PCDH7: variants seen among roughly 807,000 people sequenced by gnomAD.
The protein encoded by PCDH7 is protocadherin-7.
PCDH7 carries 17 observed loss-of-function variants against 58.9 expected under a neutral mutation model. The ratio of observed to expected loss-of-function variants is 0.29; its 90% CI spans 0.20 to 0.43. The LOEUF is 0.43. Among genes scored for constraint, PCDH7 ranks in the 20% least tolerant of loss-of-function variants. The pLI is 1.00. For synonymous variants in PCDH7, 664 were observed against 616.4 expected (o/e 1.08, Z -1.14); for missense variants, 1,274 against 1,441.0 (o/e 0.88, Z 1.88).
chr4:30,823,393 T>C (rs1397079721), intron 1 of PCDH7, among the ~76,000 whole-genome samples: 1 of 152,162 alleles, frequency 6.6e-6, no homozygotes, highest in Non-Finnish European at 1.5e-5. Context: ...CCGGTACTTT[T>C]TGCAGTTCCT....
chr4:30,925,815 T>C (rs975574953), intron 2 of PCDH7: 1 of 152,210 alleles, frequency 6.6e-6, no homozygotes, highest in Non-Finnish European at 1.5e-5. Context: ...ATGTGTGCTA[T>C]AGTGGCTTCT....
chr4:30,833,272 G>T (rs1045810454), intron 1 of PCDH7, among the ~76,000 whole-genome samples: 1 of 152,094 alleles, frequency 6.6e-6, no homozygotes, highest in African/African-American at 2.4e-5. Context: ...CTAAAATCCA[G>T]ATATCAGCAG....
chr4:30,893,229 C>A (rs776973868), intron 1 of PCDH7, among the ~76,000 whole-genome samples: 4 of 152,036 alleles, frequency 2.6e-5, no homozygotes, highest in Non-Finnish European at 5.9e-5. Context: ...CAATATATTT[C>A]TTTAACCGTT....
chr4:30,996,185 T>A (rs2109130611), intron 3 of PCDH7, among the ~76,000 whole-genome samples: 1 of 152,332 alleles, frequency 6.6e-6, no homozygotes, highest in Non-Finnish European at 1.5e-5. Context: ...CTTTTGATAC[T>A]AATTTTCCTT....
intron 3 of PCDH7, among the ~76,000 whole-genome samples, chr4:31,097,638 A>ATATATC (rs370034723): frequency 1.3e-5 from 1 of 79,210 alleles, no homozygotes; most frequent in African/African-American, 5.8e-5. Flanking sequence ...ATATATATAT[A>ATATATC]AATCTTTTTT....
At chr4:30,733,961 T>A (rs993740445), downstream of PCDH7, among the ~76,000 whole-genome samples, 5 of 152,288 alleles carry the variant, frequency 3.3e-5, no homozygotes, top group South Asian at 6.2e-4. Flanking sequence ...GGAGATCCAA[T>A]TATTCGACTG....
chr4:30,866,435 C>A (rs1319065118), intron 1 of PCDH7, among the ~76,000 whole-genome samples: 2 of 152,006 alleles, frequency 1.3e-5, no homozygotes, highest in Non-Finnish European at 2.9e-5. Flanking sequence ...ATCTGTTTGA[C>A]CTGAAGTTCA....
chr4:31,090,736 AG>A (rs1156663007), intron 3 of PCDH7, among the ~76,000 whole-genome samples: 1 of 152,082 alleles, frequency 6.6e-6, no homozygotes, highest in African/African-American at 2.4e-5. Flanking sequence ...TAATCTTTGA[AG>A]TTCACAAATT....
In PCDH7 at chr4:30,720,692, A is replaced by G. The variant is rs1713355916; in HGVS notation, c.-731A>G. 6.6e-6 allele frequency: 1 copy of G among 152,340 alleles called. No individual in the cohort carries two copies. The highest frequency in any genetic ancestry group is 2.4e-5 in the African/African-American group (1 of 41,408). 9.4% of individuals were successfully genotyped at this position (152,340 alleles called of 1,614,324 possible). A position where few individuals can be genotyped will look rare whatever the true frequency, so the allele number is the denominator to read the frequency against. On this transcript the variant is annotated 5_prime_UTR_variant, in exon 1 of 2. Transcript: ENST00000361762. This position sits in a 1 kb window ranked among gnomAD's most constrained non-coding sequence, Gnocchi z 4.7. ...CTGACACTGACCGCTCTGTGACGCG[A>G]GTAGTCTCCCCTGCACCGTGCCCGA...
chr4:30,916,089 G>A (rs1466081455), intron 1 of PCDH7, among the ~76,000 whole-genome samples: 2 of 152,066 alleles, frequency 1.3e-5, no homozygotes, highest in African/African-American at 4.8e-5. Context: ...CATTGTTGGA[G>A]CACCCTCGAA....
At chr4:30,935,760 A>G (rs1460202412) in intron 2 of PCDH7, among the ~76,000 whole-genome samples, 1 of 152,134 alleles carries the variant, frequency 6.6e-6, no homozygotes, top group Non-Finnish European at 1.5e-5. Flanking sequence ...AGAATCTGCC[A>G]ATTAGGCACC....
chr4:30,835,636 C>A (rs538362577), intron 1 of PCDH7, among the ~76,000 whole-genome samples: 11 of 152,204 alleles, frequency 7.2e-5, no homozygotes, highest in South Asian at 4.1e-4. Flanking sequence ...AGTAGGAGCA[C>A]AAGCCCAGGG....
intron 3 of PCDH7, among the ~76,000 whole-genome samples, chr4:30,976,098 G>C (rs543428234): frequency 2.6e-5 from 4 of 152,146 alleles, no homozygotes; most frequent in African/African-American, 9.7e-5. Flanking sequence ...GGCTTGGTTT[G>C]TAATAACTCC....
At chr4:30,857,976 G>A (rs937929233) in intron 1 of PCDH7, among the ~76,000 whole-genome samples, 56 of 152,162 alleles carry the variant, frequency 3.7e-4, no homozygotes, top group African/African-American at 1.3e-3. Flanking sequence ...AGATAACACA[G>A]AATTAAGTAA....
chr4:30,836,252 G>A (rs1730466881), intron 1 of PCDH7, among the ~76,000 whole-genome samples: 1 of 152,192 alleles, frequency 6.6e-6, no homozygotes, highest in African/African-American at 2.4e-5. Context: ...TAAATAAGAT[G>A]TAGTCTATAC....
chr4:30,748,146 T>C (rs1400170492), intron 1 of PCDH7, among the ~76,000 whole-genome samples: 4 of 152,168 alleles, frequency 2.6e-5, no homozygotes, highest in African/African-American at 9.7e-5. Context: ...CTGGAGAAAC[T>C]TTTACAAACT....
intron 1 of PCDH7, among the ~76,000 whole-genome samples, chr4:30,905,398 G>A (rs1244517183): frequency 6.6e-6 from 1 of 151,638 alleles, no homozygotes; most frequent in African/African-American, 2.4e-5. Flanking sequence ...GTTCTATAGG[G>A]TAGTCATGCA....
chr4:30,720,646 C>T lies in PCDH7; in HGVS notation c.-777C>T, dbSNP rs1320912860. 1 of 152,752 alleles carries T rather than the reference C, an allele frequency of 6.5e-6. No homozygotes were observed. Among genetic ancestry groups the T allele is most frequent in the Non-Finnish European group, 1.5e-5 (1 of 68,304 alleles). 9.5% of individuals were successfully genotyped at this position (152,752 alleles called of 1,614,324 possible). On this transcript the variant is annotated 5_prime_UTR_variant, in exon 1 of 2. Coordinates refer to ENST00000361762, the Ensembl canonical transcript of PCDH7. The surrounding 1 kb of genome is among the most constrained non-coding windows in gnomAD (Gnocchi z 4.7). ...GTCTCTGAAGATGGCTCGGGCTTCTCTTTGGCGCGCCGGGGGGACCCTGAC... is the reference window on the plus strand; with the variant it reads ...GTCTCTGAAGATGGCTCGGGCTTCTTTTTGGCGCGCCGGGGGGACCCTGAC...
At position 30,752,627 on chromosome 4, in the gene PCDH7, TCTTA is replaced by T. The variant is rs541248697; in HGVS notation, c.70+28035_70+28038del. Among the ~76,000 whole-genome samples, 571 of 132,744 alleles carry T rather than the reference TCTTA, an allele frequency of 4.3e-3. 3 individuals are homozygous for T. Among genetic ancestry groups the T allele is most frequent in the African/African-American group, 0.016 (548 of 34,514 alleles). 87.1% of individuals were successfully genotyped at this position (132,744 alleles called of 152,430 possible). A position where few individuals can be genotyped will look rare whatever the true frequency, so the allele number is the denominator to read the frequency against. ...CACGTATGTATTAGAAGATATGGAC[TCTTA>T]CTTTTTTTTTTTTTTGCAAACTTTA... On this transcript the variant is annotated intron_variant, in intron 1 of 3. Coordinates refer to the PCDH7 transcript ENST00000509759.
Sources: allele counts gnomAD v4.1 joint callset (sites outside exome capture counted in the v4.1 genomes callset), GRCh38; gene constraint gnomAD v4.1.1; non-coding constraint Gnocchi (gnomAD v3.1); transcripts MANE v1.5; gene names NCBI Gene and HGNC (gene_info 2026-07-23, HGNC 2026-07-21).